SLIT2: variants seen among roughly 807,000 people sequenced by gnomAD.
The protein encoded by SLIT2 is slit homolog 2 protein.
In SLIT2, 41 loss-of-function variants were observed where a neutral mutation model predicts 185.7. The observed-to-expected ratio is 0.22, with a 90% confidence interval of 0.17 to 0.29. The LOEUF (loss-of-function observed/expected upper bound fraction) is 0.29. Ranked by LOEUF, SLIT2 falls within the 10% of genes least tolerant of loss-of-function variation. The pLI is 1.00. For synonymous variants in SLIT2, 693 were observed against 680.2 expected (o/e 1.02, Z -0.29); for missense variants, 1,571 against 1,909.0 (o/e 0.82, Z 3.30).
intron 4 of SLIT2, among the ~76,000 whole-genome samples, chr4:20,402,013 T>C (rs1726403189): frequency 6.6e-6 from 1 of 151,896 alleles, no homozygotes; most frequent in Non-Finnish European, 1.5e-5. Context: ...TGAATACGTA[T>C]TCCTCCTTTG....
intron 4 of SLIT2, among the ~76,000 whole-genome samples, chr4:20,305,509 G>T (rs1372720153): frequency 6.6e-6 from 1 of 152,116 alleles, no homozygotes; most frequent in East Asian, 1.9e-4. Context: ...GAAAATGTGG[G>T]TTACCATTAG....
intron 11 of SLIT2, among the ~76,000 whole-genome samples, chr4:20,519,063 A>G (rs1303455124): frequency 6.6e-6 from 1 of 152,142 alleles, no homozygotes; most frequent in Admixed American, 6.5e-5. Flanking sequence ...CTCTCATTAC[A>G]TATGAACTGT....
intron 4 of SLIT2, among the ~76,000 whole-genome samples, chr4:20,414,150 A>G (rs1201262406): frequency 6.6e-6 from 1 of 151,574 alleles, no homozygotes; most frequent in African/African-American, 2.4e-5. Context: ...GCTTTGTTTG[A>G]TTTTCTAGCT....
At position 20,372,019 on chromosome 4, in the gene SLIT2, C is replaced by T. The variant is rs576362637; in HGVS notation, c.396-95733C>T. ...AAAGAGAGATTCCATTTATCCAGCA[C>T]TATTTTCATCATTCTGTTGCTTCAA... On this transcript the variant is annotated intron_variant, in intron 4 of 36. Coordinates refer to ENST00000504154, the MANE Select transcript of SLIT2 (RefSeq NM_004787.4). Among the ~76,000 whole-genome samples the T allele has an allele frequency of 5.6e-4, 86 of 152,244 alleles. No homozygotes were observed. The South Asian group carries it at 0.014, about 25-fold the overall frequency.
intron 18 of SLIT2, among the ~76,000 whole-genome samples, chr4:20,535,601 G>T (rs752276540): frequency 1.5e-4 from 23 of 152,160 alleles, no homozygotes; most frequent in Non-Finnish European, 2.6e-4. Context: ...AACAGAAACT[G>T]ATTTTCTCAT....
At chr4:20,476,283 C>G (rs1457287960) in intron 5 of SLIT2, among the ~76,000 whole-genome samples, 1 of 151,956 alleles carries the variant, frequency 6.6e-6, no homozygotes, top group Admixed American at 6.6e-5. Context: ...ATATGTACAG[C>G]TTTTTTATTC....
chr4:20,500,651 AC>A (rs1363345660), intron 9 of SLIT2, among the ~76,000 whole-genome samples: 3 of 152,176 alleles, frequency 2.0e-5, no homozygotes, highest in African/African-American at 4.8e-5. Flanking sequence ...TATTTATTTC[AC>A]TTAATTCCCA....
chr4:20,408,946 A>T (rs546669653), intron 4 of SLIT2, among the ~76,000 whole-genome samples: 1 of 142,044 alleles, frequency 7.0e-6, no homozygotes, highest in Non-Finnish European at 1.5e-5. Context: ...TGCTTCTCCC[A>T]CCCCCACCTC....
chr4:20,610,302 G>T, intron 34 of SLIT2, 135 bp downstream of exon 34: 1 of 701,346 alleles, frequency 1.4e-6, no homozygotes, highest in Non-Finnish European at 2.2e-6. Flanking sequence ...AAGATGGATG[G>T]CAAAGACAGA....
intron 4 of SLIT2, among the ~76,000 whole-genome samples, chr4:20,370,163 C>T (rs1723457309): frequency 6.6e-6 from 1 of 152,060 alleles, no homozygotes; most frequent in African/African-American, 2.4e-5. Context: ...TACATCATAT[C>T]TGCCACTAAA....
intron 4 of SLIT2, among the ~76,000 whole-genome samples, chr4:20,380,641 T>C (rs533076144): frequency 3.3e-5 from 5 of 151,466 alleles, no homozygotes; most frequent in Non-Finnish European, 4.4e-5. Flanking sequence ...AAAAATACAC[T>C]GTATGTGAGC....
At chr4:20,543,526 T>C (rs1032601472) in intron 21 of SLIT2, among the ~76,000 whole-genome samples, 3 of 152,232 alleles carry the variant, frequency 2.0e-5, no homozygotes, top group Non-Finnish European at 4.4e-5. Context: ...TCAATAATGA[T>C]TTAAACCCAA....
At chr4:20,422,252 A>G (rs1193386293) in intron 4 of SLIT2, among the ~76,000 whole-genome samples, 1 of 152,210 alleles carries the variant, frequency 6.6e-6, no homozygotes, top group East Asian at 1.9e-4. Flanking sequence ...GACTTTTAGT[A>G]GAGAAGTCAA....
In SLIT2 at chr4:20,557,345, G is replaced by T. The variant is rs28889878; in HGVS notation, c.2725+3377G>T. ...AGGACAGGCTGACTGTCTTGTTAGG[G>T]GCTAAGAAGTTGAAGCCAATGCTCA... On this transcript the variant is annotated intron_variant, in intron 26 of 36. Transcript: ENST00000504154. Among the ~76,000 whole-genome samples, 974 of 152,032 alleles carry T rather than the reference G, an allele frequency of 6.4e-3. 15 individuals carry two copies. Among genetic ancestry groups the T allele is most frequent in the African/African-American group, 0.022 (918 of 41,420 alleles).
At position 20,491,902 on chromosome 4, in the gene SLIT2, A is replaced by G; in HGVS notation, c.914+3A>G. 6.2e-7 allele frequency: 1 copy of G among 1,609,432 alleles called. No homozygotes were observed. Among genetic ancestry groups the G allele is most frequent in the Non-Finnish European group, 8.5e-7 (1 of 1,178,578 alleles). ...CTTCCAGAGACCATCACAGAAATGT[A>G]TGTGCCTGAAATTCTTTCTTATCTC... On this transcript the variant is annotated splice_donor_region_variant and intron_variant, in intron 9 of 36. Coordinates refer to ENST00000504154, the MANE Select transcript of SLIT2 (RefSeq NM_004787.4).
At chr4:20,449,135 A>G (rs1419512869) in intron 4 of SLIT2, among the ~76,000 whole-genome samples, 1 of 152,178 alleles carries the variant, frequency 6.6e-6, no homozygotes, top group Non-Finnish European at 1.5e-5. Flanking sequence ...AAACAATTAA[A>G]TCAATTGTTT....
chr4:20,483,836 A>G (rs1716946417), intron 6 of SLIT2, among the ~76,000 whole-genome samples: 1 of 152,124 alleles, frequency 6.6e-6, no homozygotes, highest in Admixed American at 6.6e-5. Flanking sequence ...CAATATATAA[A>G]TTTCCATTAT....
chr4:20,433,028 T>C (rs954006510), intron 4 of SLIT2, among the ~76,000 whole-genome samples: 1 of 152,198 alleles, frequency 6.6e-6, no homozygotes, highest in African/African-American at 2.4e-5. Context: ...TCAACTGTAC[T>C]GTTGCTATCT....
In SLIT2 at chr4:20,256,688, A is replaced by T. The variant is rs746770722; in HGVS notation, c.196A>T (p.Asn66Tyr). ...NTERLDLNGNNITRITKTDFA... is the reference protein window; with the variant it reads ...NTERLDLNGNYITRITKTDFA... ...TTCTCTTAGGGATTTAAATGGAAAT[A>T]ACATCACAAGAATTACGAAGACAGA... The change falls in exon 2 of 37, where the codon AAC becomes TAC. Residue 66 changes from asparagine to tyrosine, a missense_variant. Coordinates refer to ENST00000504154, the MANE Select transcript of SLIT2 (RefSeq NM_004787.4). 1.2e-5 allele frequency: 19 copies of T among 1,568,732 alleles called. No homozygotes were observed. The highest frequency in any genetic ancestry group is 1.6e-5 in the Non-Finnish European group (18 of 1,145,434).
Sources: gnomAD v4.1 joint callset for allele counts (sites outside exome capture counted in the v4.1 genomes callset) on GRCh38, gnomAD v4.1.1 for gene constraint, MANE v1.5 for transcripts, NCBI Gene and HGNC (gene_info 2026-07-23, HGNC 2026-07-21) for gene names.